Variants in ACBD6 observed in about 807,000 individuals in gnomAD.
The protein encoded by ACBD6 is acyl-CoA-binding domain-containing protein 6.
In ACBD6, 28 loss-of-function variants were observed where a neutral mutation model predicts 37.2. That is an observed-to-expected ratio of 0.75 (90% CI 0.56 to 1.03). ACBD6 has a LOEUF of 1.03. Ranked by LOEUF, ACBD6 falls within the 50% of genes least tolerant of loss-of-function variation. The pLI is 0.00. For synonymous variants in ACBD6, 113 were observed against 126.8 expected, an observed-to-expected ratio of 0.89 and a Z score of 0.73; for missense variants, 340 against 337.4, an observed-to-expected ratio of 1.01 and a Z score of -0.06.
At chr1:180,434,412 G>T (rs938547263) in intron 3 of ACBD6, among the ~76,000 whole-genome samples, 1 of 152,152 alleles carries the variant, frequency 6.6e-6, no homozygotes, top group African/African-American at 2.4e-5. Context: ...AAAGAATCCT[G>T]TTCCCTTTCC....
chr1:180,496,321 T>C (rs1372564193), intron 1 of ACBD6, among the ~76,000 whole-genome samples: 2 of 152,200 alleles, frequency 1.3e-5, no homozygotes, highest in African/African-American at 2.4e-5. Flanking sequence ...ATATCTTTTA[T>C]GGTACTTTTC....
At chr1:180,336,359 C>G (rs1233598091) in intron 6 of ACBD6, among the ~76,000 whole-genome samples, 4 of 150,304 alleles carry the variant, frequency 2.7e-5, no homozygotes, top group African/African-American at 7.4e-5. Flanking sequence ...TTAAGAAACT[C>G]ACTTAAAACC....
chr1:180,466,642 C>T (rs1051660192), intron 3 of ACBD6, among the ~76,000 whole-genome samples: 3 of 152,122 alleles, frequency 2.0e-5, no homozygotes, highest in Non-Finnish European at 4.4e-5. Flanking sequence ...GGATAAACTT[C>T]ATTAAAATTT....
At chr1:180,474,243 A>T (rs1284371537) in intron 3 of ACBD6, among the ~76,000 whole-genome samples, 1 of 152,184 alleles carries the variant, frequency 6.6e-6, no homozygotes, top group Non-Finnish European at 1.5e-5. Flanking sequence ...AAAGCTATAA[A>T]GCCATCCTGA....
intron 5 of ACBD6, among the ~76,000 whole-genome samples, chr1:180,404,571 C>T (rs968606508): frequency 2.6e-5 from 4 of 152,090 alleles, no homozygotes; most frequent in African/African-American, 9.7e-5. Context: ...GATTCTCTTG[C>T]CTCAGCCTCC....
At chr1:180,338,727 A>C (rs1651847230) in intron 6 of ACBD6, among the ~76,000 whole-genome samples, 1 of 152,188 alleles carries the variant, frequency 6.6e-6, no homozygotes, top group Non-Finnish European at 1.5e-5. Flanking sequence ...AGAAACTACC[A>C]CCAGAGTGAA....
rs145686963 is a variant in ACBD6 at position 180,324,380 on chromosome 1, T to C, written c.664-9658A>G. Reference sequence around the variant, plus strand: ...GTATTGCTTTTTATTTTTGTATATATGTTTTTTGATTTGAGGTTATCATGA... The same window carrying C: ...GTATTGCTTTTTATTTTTGTATATACGTTTTTTGATTTGAGGTTATCATGA... On this transcript the variant is annotated intron_variant, in intron 6 of 7. Transcript: ENST00000367595. Among the ~76,000 whole-genome samples the C allele has an allele frequency of 5.5e-3, 830 of 152,176 alleles. 7 individuals carry two copies. The highest frequency in any genetic ancestry group is 0.019 in the African/African-American group (786 of 41,554).
chr1:180,342,234 C>A (rs1462962879), intron 6 of ACBD6, among the ~76,000 whole-genome samples: 4 of 152,040 alleles, frequency 2.6e-5, no homozygotes, highest in African/African-American at 9.7e-5. Flanking sequence ...ACCAGACTGT[C>A]CTCTAATTAG....
chr1:180,378,669 G>A (rs967703830), intron 6 of ACBD6, among the ~76,000 whole-genome samples: 1 of 152,208 alleles, frequency 6.6e-6, no homozygotes, highest in African/African-American at 2.4e-5. Context: ...AATAGCTCCA[G>A]AGGCCTAGGG....
At chr1:180,399,436 T>C (rs1647253838) in intron 5 of ACBD6, among the ~76,000 whole-genome samples, 1 of 152,162 alleles carries the variant, frequency 6.6e-6, no homozygotes, top group Admixed American at 6.5e-5. Context: ...CAGCTAATTT[T>C]TGTATTTCTT....
chr1:180,413,522 T>A, intron 4 of ACBD6, 51 bp from the exon 5 acceptor site: 1 of 1,363,288 alleles, frequency 7.3e-7, no homozygotes, highest in Non-Finnish European at 1.0e-6. Context: ...ACATTAAAGT[T>A]ACATATTTTC....
At chr1:180,404,368 T>C (rs1647516072) in intron 5 of ACBD6, among the ~76,000 whole-genome samples, 1 of 152,148 alleles carries the variant, frequency 6.6e-6, no homozygotes, top group Non-Finnish European at 1.5e-5. Context: ...ACTATGTTGC[T>C]CAGCCTAGTC....
At chr1:180,417,329 G>A (rs2101978577) in intron 4 of ACBD6, among the ~76,000 whole-genome samples, 1 of 152,154 alleles carries the variant, frequency 6.6e-6, no homozygotes, top group East Asian at 1.9e-4. Flanking sequence ...TAAAGGAGAG[G>A]CATTACACCT....
intron 3 of ACBD6, among the ~76,000 whole-genome samples, chr1:180,437,378 C>CTT (rs1417385474): frequency 6.6e-6 from 1 of 152,106 alleles, no homozygotes; most frequent in Non-Finnish European, 1.5e-5. Flanking sequence ...TCTCTAGGCA[C>CTT]CTAGTGTCAG....
intron 2 of ACBD6, among the ~76,000 whole-genome samples, 176 bp from the exon 3 acceptor site, chr1:180,492,541 C>A (rs1159529876): frequency 6.6e-6 from 1 of 152,166 alleles, no homozygotes; most frequent in Non-Finnish European, 1.5e-5. Flanking sequence ...GCTATACAGA[C>A]CTTATTGCCC....
At chr1:180,373,180 A>C (rs945612531) in intron 6 of ACBD6, among the ~76,000 whole-genome samples, 1 of 152,168 alleles carries the variant, frequency 6.6e-6, no homozygotes, top group African/African-American at 2.4e-5. Flanking sequence ...GAACCTGCCA[A>C]TATCAATTTC....
chr1:180,307,832 G>T (rs977557385), intron 7 of ACBD6, among the ~76,000 whole-genome samples: 1 of 152,158 alleles, frequency 6.6e-6, no homozygotes, highest in African/African-American at 2.4e-5. Flanking sequence ...GCGCATGCCT[G>T]TAGTCCCAGC....
rs1647912889 is a variant in ACBD6, at chr1:180,412,783, G to GT, written c.573+582dup. Among the ~76,000 whole-genome samples, 3 of 152,152 alleles carry GT rather than the reference G, an allele frequency of 2.0e-5. No individual in the cohort carries two copies. The South Asian group carries it at 6.2e-4, about 32-fold the overall frequency. On this transcript the variant is annotated intron_variant, in intron 5 of 7. Transcript: ENST00000367595. ...TGGGAGGCTGAGGCAAGAGGATTGC[G>GT]TAAGCCCATGGGTTTGAGGATGCAG...
intron 6 of ACBD6, among the ~76,000 whole-genome samples, chr1:180,377,315 T>C (rs61811598): frequency 0.021 from 3,170 of 152,326 alleles, 52 homozygotes; most frequent in Non-Finnish European, 0.026. Context: ...TATACATACA[T>C]ACATTTTCTA....
Sources: allele counts gnomAD v4.1 joint callset (sites outside exome capture counted in the v4.1 genomes callset), GRCh38; gene constraint gnomAD v4.1.1; transcripts MANE v1.5; gene names NCBI Gene and HGNC (gene_info 2026-07-23, HGNC 2026-07-21).